NAV2: variants seen among roughly 807,000 people sequenced by gnomAD.
NAV2 encodes helicase, APC down-regulated 1.
A neutral mutation model predicts 223.2 loss-of-function variants in NAV2; 54 were observed. That is an observed-to-expected ratio of 0.24 (90% CI 0.19 to 0.30). The LOEUF (loss-of-function observed/expected upper bound fraction) is 0.30. NAV2 is among the 10% of genes least tolerant of loss of function. NAV2 has a pLI of 1.00. For synonymous variants in NAV2, 1,279 were observed against 1,239.3 expected, an observed-to-expected ratio of 1.03 and a Z score of -0.67; for missense variants, 2,806 against 3,147.5, an observed-to-expected ratio of 0.89 and a Z score of 2.60.
chr11:19,465,662 T>G (rs950242458), intron 1 of NAV2, among the ~76,000 whole-genome samples: 1 of 152,216 alleles, frequency 6.6e-6, no homozygotes, highest in African/African-American at 2.4e-5. Context: ...AAAGATGATA[T>G]AGCATAAGGC....
intron 1 of NAV2, among the ~76,000 whole-genome samples, chr11:19,490,947 G>A (rs543597115): frequency 1.3e-5 from 2 of 152,264 alleles, no homozygotes; most frequent in East Asian, 3.9e-4. Flanking sequence ...CAGAAAAATA[G>A]CATTAATATC....
In NAV2 at chr11:19,677,188, A is replaced by T. The variant is rs575367130; in HGVS notation, c.76-155296A>T. On this transcript the variant is annotated intron_variant, in intron 1 of 37. Coordinates refer to the NAV2 transcript ENST00000360655. ...CTGCCACTTGGCACCCTGCACAAAG[A>T]GTCTCCCCATATGCCTGGCGTAATC... is the stretch of plus-strand genomic sequence containing the variant. Among the ~76,000 whole-genome samples the T allele has an allele frequency of 2.0e-5, 3 of 152,348 alleles. 1 individual carries two copies. The South Asian group carries it at 6.2e-4, about 32-fold the overall frequency.
intron 1 of NAV2, among the ~76,000 whole-genome samples, chr11:19,434,992 T>C (rs1851164970): frequency 6.6e-6 from 1 of 152,108 alleles, no homozygotes; most frequent in African/African-American, 2.4e-5. Context: ...ATTATATATA[T>C]TTACGGGGTA....
intron 1 of NAV2, among the ~76,000 whole-genome samples, chr11:19,588,928 C>A (rs936020194): frequency 6.6e-6 from 1 of 152,186 alleles, no homozygotes; most frequent in African/African-American, 2.4e-5. Flanking sequence ...TTCATGAACT[C>A]AATGGGCAAT....
At chr11:20,112,608 G>T (rs1429477546) in intron 36 of NAV2, among the ~76,000 whole-genome samples, 1 of 152,214 alleles carries the variant, frequency 6.6e-6, no homozygotes, top group Non-Finnish European at 1.5e-5. Context: ...CCAACAGCCT[G>T]CTCCGCGTCT....
chr11:19,527,806 G>T (rs888796495), intron 1 of NAV2, among the ~76,000 whole-genome samples: 1 of 152,128 alleles, frequency 6.6e-6, no homozygotes, highest in African/African-American at 2.4e-5. Context: ...TGCATCTGGG[G>T]TGGTCCCTTC....
intron 10 of NAV2, among the ~76,000 whole-genome samples, chr11:19,979,500 T>C (rs937941515): frequency 8.5e-5 from 13 of 152,228 alleles, no homozygotes; most frequent in Non-Finnish European, 1.6e-4. Context: ...AGGTTATCCA[T>C]GTGTCTAGAT....
rs536712280 is a variant in NAV2, at chr11:19,944,856, CT to C, written c.2147-1543del. Among the ~76,000 whole-genome samples, 44 of 145,706 alleles carry C rather than the reference CT, an allele frequency of 3.0e-4. 1 individual carries two copies. Among genetic ancestry groups the C allele is most frequent in the Middle Eastern group, 3.9e-3 (1 of 258 alleles). On this transcript the variant is annotated intron_variant, in intron 8 of 37. Coordinates refer to ENST00000349880, the MANE Select transcript of NAV2 (RefSeq NM_145117.5). Reference sequence around the variant, plus strand: ...CTTTCTTGCCTTCTTGTCTTTCTGTCTTGCTTGTCTTTCTTTCCTCCTTTCC... The same window carrying C: ...CTTTCTTGCCTTCTTGTCTTTCTGTCTGCTTGTCTTTCTTTCCTCCTTTCC...
intron 1 of NAV2, among the ~76,000 whole-genome samples, chr11:19,641,183 T>G (rs1047905616): frequency 5.3e-5 from 8 of 152,130 alleles, no homozygotes; most frequent in African/African-American, 1.7e-4. Context: ...CTGGATGAGG[T>G]ATGATTTCAA....
chr11:19,445,152 A>G (rs74429924), intron 1 of NAV2, among the ~76,000 whole-genome samples: 384 of 152,316 alleles, frequency 2.5e-3, no homozygotes, highest in African/African-American at 8.9e-3. Flanking sequence ...GATTGAGAAC[A>G]TGGTGCACAG....
chr11:19,508,749 T>G (rs1271844711), intron 1 of NAV2, among the ~76,000 whole-genome samples: 1 of 152,252 alleles, frequency 6.6e-6, no homozygotes, highest in Non-Finnish European at 1.5e-5. Flanking sequence ...AATAAATGTT[T>G]TATTCACTAT....
chr11:20,082,460 C>G (rs2060150210), intron 25 of NAV2: 2 of 833,964 alleles, frequency 2.4e-6, no homozygotes, highest in African/African-American at 1.7e-5. Flanking sequence ...GAAACCTCCC[C>G]TGTGTGTGGT....
In NAV2 at chr11:19,948,824, G is replaced by A. The variant is rs140354139; in HGVS notation, c.2389G>A (p.Ala797Thr). 18 of 1,613,756 alleles carry A rather than the reference G, an allele frequency of 1.1e-5. No individual in the cohort carries two copies. Among genetic ancestry groups the A allele is most frequent in the Non-Finnish European group, 1.5e-5 (18 of 1,180,008 alleles). Residue 797 changes from alanine (A) to threonine (T), a missense_variant, in exon 10 of 38, where the codon GCC becomes ACC. Physicochemically the swap from Ala to Thr is moderately conservative, Grantham distance 58. Around this residue, in one of 4 missense-constraint regions of NAV2, gnomAD observed 1,167 missense variants for 1,180.5 expected, o/e 0.99. Coordinates refer to ENST00000349880, the MANE Select transcript of NAV2 (RefSeq NM_145117.5). ...QSSPRLQAGD[A>T]PSMGNGYPPR... ...CAGCCCTCGGCTCCAAGCAGGAGACGCCCCCTCAATGGGCAATGGGTATCC... is the reference window on the plus strand; with the variant it reads ...CAGCCCTCGGCTCCAAGCAGGAGACACCCCCTCAATGGGCAATGGGTATCC...
chr11:19,778,312 C>T, intron 1 of NAV2: 1 of 455,390 alleles, frequency 2.2e-6, no homozygotes. Flanking sequence ...GTCGGTTAAC[C>T]CCCTTGGATG....
chr11:19,745,613 C>A (rs780345000), intron 1 of NAV2, among the ~76,000 whole-genome samples: 18 of 152,128 alleles, frequency 1.2e-4, no homozygotes, highest in Non-Finnish European at 2.5e-4. Context: ...GCACCAAAGA[C>A]CCAGTTTTGT....
At chr11:20,109,671 A>C (rs1423602529) in intron 36 of NAV2, among the ~76,000 whole-genome samples, 1 of 152,222 alleles carries the variant, frequency 6.6e-6, no homozygotes, top group Non-Finnish European at 1.5e-5. Context: ...GCTTAAGAAA[A>C]GTAAAGAGAA....
rs532054921 is a variant in NAV2 at position 19,815,297 on chromosome 11, G to A, written c.268-17187G>A. 8.5e-5 allele frequency among the ~76,000 whole-genome samples: 13 copies of A among 152,226 alleles called. No homozygotes were observed. In the East Asian group the frequency reaches 9.7e-4, roughly 11 times the overall value. On this transcript the variant is annotated intron_variant, in intron 1 of 37. Transcript: ENST00000349880. ...TGCTGGGATATTGGACATGTGTGTCGTTTGCTCTAGATGTGTAGCACTACC... is the reference window on the plus strand; with the variant it reads ...TGCTGGGATATTGGACATGTGTGTCATTTGCTCTAGATGTGTAGCACTACC...
At chr11:19,565,697 C>T (rs543537042) in intron 1 of NAV2, among the ~76,000 whole-genome samples, 1 of 152,254 alleles carries the variant, frequency 6.6e-6, no homozygotes, top group African/African-American at 2.4e-5. Flanking sequence ...CTACTACAGC[C>T]CACTCCCTGC....
At chr11:20,012,707 C>G (rs531469615) in intron 11 of NAV2, among the ~76,000 whole-genome samples, 1 of 148,002 alleles carries the variant, frequency 6.8e-6, no homozygotes, top group Non-Finnish European at 1.5e-5. Context: ...GGGAAAAGAG[C>G]GACCAGGGGA....
Sources: allele counts gnomAD v4.1 joint callset (sites outside exome capture counted in the v4.1 genomes callset), GRCh38; gene constraint gnomAD v4.1.1; regional missense constraint gnomAD v4.1.1; transcripts MANE v1.5; gene names NCBI Gene and HGNC (gene_info 2026-07-23, HGNC 2026-07-21).